The following FRMD3 variants were observed in gnomAD, a reference collection of about 807,000 sequenced individuals.
FRMD3 encodes FERM domain-containing protein 3.
A neutral mutation model predicts 70.2 loss-of-function variants in FRMD3; 33 were observed. That is an observed-to-expected ratio of 0.47 (90% CI 0.36 to 0.63). The LOEUF (loss-of-function observed/expected upper bound fraction) is 0.63. Ranked by LOEUF, FRMD3 falls within the 20% of genes least tolerant of loss-of-function variation. The pLI, the probability that FRMD3 is intolerant of heterozygous loss-of-function variation, is 0.00. For missense variants in FRMD3, 632 were observed against 711.4 expected, an observed-to-expected ratio of 0.89 and a Z score of 1.27; for synonymous variants, 279 against 255.9, an observed-to-expected ratio of 1.09 and a Z score of -0.86.
rs145204440 is a variant in FRMD3 at position 83,365,070 on chromosome 9, C to G, written c.295+7843G>C. Among the ~76,000 whole-genome samples the G allele has an allele frequency of 2.4e-3, 361 of 152,204 alleles. 3 individuals are homozygous for G. Among genetic ancestry groups the G allele is most frequent in the African/African-American group, 8.3e-3 (346 of 41,518 alleles). On this transcript the variant is annotated intron_variant, in intron 3 of 13. Coordinates refer to ENST00000304195, the MANE Select transcript of FRMD3 (RefSeq NM_174938.6). Reference sequence around the variant, plus strand: ...CCTTTAATTGCTATAGCTCACAGGCCTTGGTATACTATTCAACAGAACAAG... The same window carrying G: ...CCTTTAATTGCTATAGCTCACAGGCGTTGGTATACTATTCAACAGAACAAG...
intron 1 of FRMD3, among the ~76,000 whole-genome samples, chr9:83,452,848 C>CTTTTTTTTT (rs11346596): frequency 2.8e-5 from 2 of 72,364 alleles, no homozygotes; most frequent in Non-Finnish European, 2.4e-5. Flanking sequence ...TTTTTATTGC[C>CTTTTTTTTT]TTTTTTTTTT....
intron 4 of FRMD3, among the ~76,000 whole-genome samples, chr9:83,346,781 A>G (rs529553668): frequency 8.2e-4 from 125 of 152,322 alleles, no homozygotes; most frequent in Non-Finnish European, 1.2e-3. Flanking sequence ...GCTGGACCCA[A>G]CTGCCGGAGG....
chr9:83,267,117 T>C (rs1410058052), intron 13 of FRMD3: 1 of 1,550,676 alleles, frequency 6.4e-7, no homozygotes, highest in Admixed American at 2.0e-5. Flanking sequence ...CGAGTCTGGA[T>C]CTTGACCAAG....
At chr9:83,328,328 G>C (rs577667434) in intron 6 of FRMD3, among the ~76,000 whole-genome samples, 160 of 152,298 alleles carry the variant, frequency 1.1e-3, no homozygotes, top group African/African-American at 3.6e-3. Flanking sequence ...GGAGCCATGT[G>C]ACCAAAACCC....
intron 1 of FRMD3, among the ~76,000 whole-genome samples, chr9:83,420,964 G>A (rs1229578927): frequency 1.5e-4 from 18 of 116,858 alleles, no homozygotes; most frequent in Non-Finnish European, 2.4e-4. Context: ...TTTTTGAGAC[G>A]GAGTCTCGCT....
chr9:83,270,544 T>C (rs1833501341), intron 13 of FRMD3, among the ~76,000 whole-genome samples: 1 of 152,228 alleles, frequency 6.6e-6, no homozygotes, highest in Non-Finnish European at 1.5e-5. Context: ...ATCAAGTGCC[T>C]AACATAGAGC....
chr9:83,515,196 C>T (rs1829428043), intron 1 of FRMD3, among the ~76,000 whole-genome samples: 1 of 152,122 alleles, frequency 6.6e-6, no homozygotes, highest in African/African-American at 2.4e-5. Context: ...ATGTTCTAAC[C>T]TAATGCAAGG....
intron 3 of FRMD3, among the ~76,000 whole-genome samples, chr9:83,371,573 C>T (rs1824973895): frequency 6.6e-6 from 1 of 152,238 alleles, no homozygotes; most frequent in Non-Finnish European, 1.5e-5. Flanking sequence ...CCTCACGCCT[C>T]CTAAAGTGCT....
intron 13 of FRMD3, among the ~76,000 whole-genome samples, chr9:83,272,727 G>C (rs1232063338): frequency 3.3e-5 from 5 of 151,194 alleles, no homozygotes; most frequent in Non-Finnish European, 5.9e-5. Flanking sequence ...TCCCATCTAG[G>C]AAGTGAGGAG....
At chr9:83,489,018 TTGTGTGTGC>T (rs1828754880) in intron 1 of FRMD3, among the ~76,000 whole-genome samples, 2 of 50,478 alleles carry the variant, frequency 4.0e-5, no homozygotes, top group Admixed American at 3.4e-4. Flanking sequence ...GTGTGTGTGC[TTGTGTGTGC>T]GCACCTACAC....
chr9:83,457,066 A>G lies in FRMD3; in HGVS notation c.148-67358T>C, dbSNP rs191511441. On this transcript the variant is annotated intron_variant, in intron 1 of 13. Coordinates refer to ENST00000304195, the MANE Select transcript of FRMD3 (RefSeq NM_174938.6). ...CCGAGTTTGTTAAAAGGAAGGTGCTATAAAACTCAAGGCATGACACTATAC... is the reference window on the plus strand; with the variant it reads ...CCGAGTTTGTTAAAAGGAAGGTGCTGTAAAACTCAAGGCATGACACTATAC... Among the ~76,000 whole-genome samples, 16 of 152,344 alleles carry G rather than the reference A, an allele frequency of 1.1e-4. No homozygotes were observed. In the East Asian group the frequency reaches 2.7e-3, roughly 26 times the overall value.
chr9:83,472,418 A>T (rs1276497304), intron 1 of FRMD3, among the ~76,000 whole-genome samples: 1 of 152,188 alleles, frequency 6.6e-6, no homozygotes, highest in African/African-American at 2.4e-5. Flanking sequence ...TTAGTAATAC[A>T]TGGGAGTGAG....
intron 1 of FRMD3, among the ~76,000 whole-genome samples, chr9:83,399,063 A>T (rs1825880770): frequency 1.3e-5 from 2 of 152,230 alleles, no homozygotes; most frequent in Non-Finnish European, 2.9e-5. Context: ...AGTCAACATC[A>T]CAGCAAGAGG....
upstream of FRMD3, among the ~76,000 whole-genome samples, chr9:83,539,768 T>G (rs1026354344): frequency 2.6e-5 from 4 of 152,320 alleles, no homozygotes; most frequent in South Asian, 8.3e-4. Flanking sequence ...ACAAACTCAG[T>G]CTCAGTATCT....
intron 4 of FRMD3, among the ~76,000 whole-genome samples, chr9:83,348,169 G>T (rs1587753149): frequency 6.6e-6 from 1 of 152,200 alleles, no homozygotes; most frequent in Admixed American, 6.5e-5. Context: ...ATTAGGATTT[G>T]ATTTGATCTT....
chr9:83,472,918 T>C (rs1828304861), intron 1 of FRMD3, among the ~76,000 whole-genome samples: 1 of 152,066 alleles, frequency 6.6e-6, no homozygotes, highest in Non-Finnish European at 1.5e-5. Flanking sequence ...GTCACGAGTG[T>C]TCTTTCAAAA....
At chr9:83,572,442 G>T in the FRMD3 span, among the ~76,000 whole-genome samples, 21 of 152,142 alleles carry the variant, frequency 1.4e-4, no homozygotes, top group Admixed American at 7.2e-4. Flanking sequence ...ATGAGAGGTG[G>T]CACCGGGGCC....
At chr9:83,515,223 T>C (rs1384022022) in intron 1 of FRMD3, among the ~76,000 whole-genome samples, 1 of 152,128 alleles carries the variant, frequency 6.6e-6, no homozygotes, top group Non-Finnish European at 1.5e-5. Flanking sequence ...AGAACGTTGA[T>C]AAAAGGTTAG....
chr9:83,421,869 C>T (rs1275203360), intron 1 of FRMD3, among the ~76,000 whole-genome samples: 2 of 152,134 alleles, frequency 1.3e-5, no homozygotes, highest in African/African-American at 2.4e-5. Flanking sequence ...GAATAGATAG[C>T]ATGCAATTCA....
Sources: allele counts gnomAD v4.1 joint callset (sites outside exome capture counted in the v4.1 genomes callset), GRCh38; gene constraint gnomAD v4.1.1; transcripts MANE v1.5; gene names NCBI Gene and HGNC (gene_info 2026-07-23, HGNC 2026-07-21).